Variants in PTPRD observed in about 807,000 individuals in gnomAD.
The protein encoded by PTPRD is protein tyrosine phosphatase receptor type D.
PTPRD carries 34 observed loss-of-function variants against 214.5 expected under a neutral mutation model. The observed-to-expected ratio is 0.16, with a 90% confidence interval of 0.12 to 0.21. PTPRD has a LOEUF of 0.21. PTPRD is among the 10% of genes least tolerant of loss of function. The probability of loss-of-function intolerance (pLI) is 1.00; values close to 1 mark genes in which losing one functional copy is unlikely to be tolerated. For synonymous variants in PTPRD, 1,128 were observed against 845.7 expected (o/e 1.33, Z -5.79); for missense variants, 2,545 against 2,398.7 (o/e 1.06, Z -1.27).
chr9:9,080,165 T>C (rs1204059737), intron 10 of PTPRD, among the ~76,000 whole-genome samples: 1 of 152,050 alleles, frequency 6.6e-6, no homozygotes, highest in Non-Finnish European at 1.5e-5. Context: ...AATTTACATC[T>C]CCCATGTTAA....
intron 7 of PTPRD, among the ~76,000 whole-genome samples, chr9:9,583,615 C>A (rs1453703450): frequency 6.6e-6 from 1 of 152,032 alleles, no homozygotes; most frequent in African/African-American, 2.4e-5. Flanking sequence ...AATTGTAACT[C>A]CCAGCATAAT....
chr9:10,581,746 T>C (rs2071904119), intron 2 of PTPRD, among the ~76,000 whole-genome samples: 1 of 152,156 alleles, frequency 6.6e-6, no homozygotes. Flanking sequence ...CTCAGCAGTT[T>C]AGGTCATTTC....
At position 10,167,110 on chromosome 9, in the gene PTPRD, T is replaced by C. The variant is rs114375545; in HGVS notation, c.-544-133320A>G. ...TTGAGTTTACAGGTGCTTAGACTTA[T>C]AAAAGTAGACCTTTTTTTTTTTTCA... On this transcript the variant is annotated intron_variant, in intron 3 of 45. Transcript: ENST00000381196. 2.1e-3 allele frequency among the ~76,000 whole-genome samples: 306 copies of C among 145,850 alleles called. 4 individuals carry two copies. The highest frequency in any genetic ancestry group is 7.4e-3 in the African/African-American group (286 of 38,892).
chr9:8,374,234 A>T (rs1321163589), intron 39 of PTPRD, among the ~76,000 whole-genome samples: 1 of 150,916 alleles, frequency 6.6e-6, no homozygotes, highest in Non-Finnish European at 1.5e-5. Context: ...CCTTTGGCCA[A>T]ACTCTATCTG....
intron 10 of PTPRD, among the ~76,000 whole-genome samples, chr9:9,036,411 G>A (rs2099622033): frequency 6.6e-6 from 1 of 152,000 alleles, no homozygotes; most frequent in Non-Finnish European, 1.5e-5. Context: ...AATTGTCATA[G>A]CCAACAGCAA....
chr9:10,591,314 A>T (rs992370942), intron 2 of PTPRD, among the ~76,000 whole-genome samples: 12 of 151,980 alleles, frequency 7.9e-5, no homozygotes, highest in African/African-American at 2.4e-4. Flanking sequence ...AAGAATAAAG[A>T]TTAATTTATT....
At chr9:8,839,503 T>C (rs537904156) in intron 11 of PTPRD, among the ~76,000 whole-genome samples, 169 of 152,172 alleles carry the variant, frequency 1.1e-3, no homozygotes, top group African/African-American at 3.5e-3. Flanking sequence ...TTTTGTATTT[T>C]TAGTAGAGAT....
intron 34 of PTPRD, among the ~76,000 whole-genome samples, chr9:8,437,443 T>G (rs879705033): frequency 1.3e-5 from 2 of 152,108 alleles, no homozygotes; most frequent in Non-Finnish European, 2.9e-5. Flanking sequence ...TGACTGACAT[T>G]CACATGCAAA....
intron 5 of PTPRD, among the ~76,000 whole-genome samples, chr9:9,826,737 T>G (rs536393597): frequency 6.6e-6 from 1 of 152,132 alleles, no homozygotes; most frequent in African/African-American, 2.4e-5. Context: ...GACTTCTTCA[T>G]GATTATGTAT....
At chr9:10,360,563 G>A (rs1382593349) in intron 2 of PTPRD, among the ~76,000 whole-genome samples, 2 of 152,312 alleles carry the variant, frequency 1.3e-5, no homozygotes, top group South Asian at 2.1e-4. Flanking sequence ...AAGAAGTCAC[G>A]ACATGGCATG....
intron 9 of PTPRD, among the ~76,000 whole-genome samples, chr9:9,346,132 T>A (rs1173173439): frequency 6.6e-6 from 1 of 152,112 alleles, no homozygotes; most frequent in African/African-American, 2.4e-5. Context: ...AATTCCTTAA[T>A]AAAATATTAA....
chr9:8,942,785 A>G (rs2099041542), intron 11 of PTPRD, among the ~76,000 whole-genome samples: 1 of 152,088 alleles, frequency 6.6e-6, no homozygotes, highest in Non-Finnish European at 1.5e-5. Flanking sequence ...GCTTTATTAT[A>G]AATAATTCCT....
intron 10 of PTPRD, among the ~76,000 whole-genome samples, chr9:9,063,404 T>C (rs1049719690): frequency 6.6e-6 from 1 of 152,196 alleles, no homozygotes; most frequent in Non-Finnish European, 1.5e-5. Flanking sequence ...CCTCATCAAC[T>C]AATTAGGATT....
chr9:10,296,970 T>C (rs1195812961), intron 3 of PTPRD, among the ~76,000 whole-genome samples: 1 of 151,644 alleles, frequency 6.6e-6, no homozygotes, highest in African/African-American at 2.4e-5. Context: ...AAAAGAAGAG[T>C]TTGACAATGC....
intron 11 of PTPRD, among the ~76,000 whole-genome samples, chr9:8,784,292 C>A (rs1014118839): frequency 3.9e-5 from 6 of 152,194 alleles, no homozygotes; most frequent in African/African-American, 1.2e-4. Flanking sequence ...CCCAACCAAG[C>A]TTTTCTCTCA....
chr9:8,467,531 T>C (rs1198570927), intron 31 of PTPRD, among the ~76,000 whole-genome samples: 2 of 151,842 alleles, frequency 1.3e-5, no homozygotes, highest in Non-Finnish European at 2.9e-5. Flanking sequence ...TGAGGCACAA[T>C]AGAAGAAAGT....
chr9:9,699,282 A>G (rs1479248198), intron 7 of PTPRD, among the ~76,000 whole-genome samples: 1 of 152,144 alleles, frequency 6.6e-6, no homozygotes, highest in African/African-American at 2.4e-5. Flanking sequence ...TTCAAGCACA[A>G]TGGCAATAAT....
intron 9 of PTPRD, among the ~76,000 whole-genome samples, chr9:9,347,297 ACT>A (rs138754685): frequency 4.7e-5 from 7 of 149,874 alleles, no homozygotes; most frequent in East Asian, 2.0e-4. Context: ...ACTTCAGAGG[ACT>A]CTCTCTATGT....
chr9:9,533,062 T>A (rs2038963), intron 8 of PTPRD, among the ~76,000 whole-genome samples: 1 of 152,036 alleles, frequency 6.6e-6, no homozygotes, highest in Non-Finnish European at 1.5e-5. Context: ...AACTCTGGCA[T>A]GTGTATATAA....
Sources: gnomAD v4.1 joint callset for allele counts (sites outside exome capture counted in the v4.1 genomes callset) on GRCh38, gnomAD v4.1.1 for gene constraint, MANE v1.5 for transcripts, NCBI Gene and HGNC (gene_info 2026-07-23, HGNC 2026-07-21) for gene names.